TNS1: variants seen among roughly 807,000 people sequenced by gnomAD.
TNS1 encodes tensin 1.
Under a neutral mutation model 168.6 loss-of-function variants are expected in TNS1, and 62 were observed. The ratio of observed to expected loss-of-function variants is 0.37; its 90% confidence interval spans 0.30 to 0.45. The LOEUF (loss-of-function observed/expected upper bound fraction) is 0.45, where lower values mean the gene tolerates loss of function less well. Ranked by LOEUF, TNS1 falls within the 20% of genes least tolerant of loss-of-function variation. The pLI is 1.00. For missense variants in TNS1, 2,240 were observed against 2,339.4 expected (o/e 0.96, Z 0.88); for synonymous variants, 934 against 933.2 (o/e 1.00, Z -0.02).
intron 3 of TNS1, among the ~76,000 whole-genome samples, chr2:217,973,128 C>A (rs1957810019): frequency 6.6e-6 from 1 of 151,952 alleles, no homozygotes; most frequent in African/African-American, 2.4e-5. Flanking sequence ...TCAAGGCGGC[C>A]AGATCACTTG....
At chr2:217,962,898 A>G (rs950242464) in intron 3 of TNS1, among the ~76,000 whole-genome samples, 2 of 152,188 alleles carry the variant, frequency 1.3e-5, no homozygotes, top group African/African-American at 4.8e-5. Flanking sequence ...GCCAAATTCT[A>G]CTACAATCCT....
intron 18 of TNS1, among the ~76,000 whole-genome samples, chr2:217,862,133 C>T (rs550467946): frequency 2.0e-5 from 3 of 152,220 alleles, no homozygotes; most frequent in Admixed American, 2.0e-4. Context: ...GCCTCAAGGA[C>T]CACAAGGAGA....
intron 1 of TNS1, among the ~76,000 whole-genome samples, chr2:218,020,180 A>G (rs1385670225): frequency 2.0e-5 from 3 of 152,168 alleles, no homozygotes; most frequent in Non-Finnish European, 4.4e-5. Context: ...GATGTTCAGC[A>G]TTGTGCAGGA....
intron 4 of TNS1, among the ~76,000 whole-genome samples, chr2:217,918,045 G>C (rs1014417399): frequency 2.0e-5 from 3 of 152,140 alleles, no homozygotes; most frequent in African/African-American, 7.2e-5. Flanking sequence ...ACGGGTGAAC[G>C]AGAAGGAGCT....
intron 18 of TNS1, among the ~76,000 whole-genome samples, chr2:217,852,266 G>A (rs1405552764): frequency 6.6e-6 from 1 of 152,180 alleles, no homozygotes; most frequent in Non-Finnish European, 1.5e-5. Flanking sequence ...TGGACAAGTT[G>A]GCCGAAATCT....
At chr2:218,015,512 C>T (rs538614407) in intron 1 of TNS1, among the ~76,000 whole-genome samples, 2 of 152,276 alleles carry the variant, frequency 1.3e-5, no homozygotes, top group South Asian at 4.1e-4. Context: ...CTCCATCCCC[C>T]CTTTCAAATT....
intron 1 of TNS1, among the ~76,000 whole-genome samples, chr2:218,026,731 G>T (rs898214519): frequency 4.6e-5 from 7 of 152,228 alleles, no homozygotes; most frequent in African/African-American, 1.7e-4. Flanking sequence ...GCAGCACCCA[G>T]ATCAGGAGAC....
At chr2:218,022,458 T>A (rs1315366796) in intron 1 of TNS1, among the ~76,000 whole-genome samples, 1 of 152,124 alleles carries the variant, frequency 6.6e-6, no homozygotes, top group Non-Finnish European at 1.5e-5. Flanking sequence ...ATATAAAAGA[T>A]GTCAAGCTGG....
In TNS1 at chr2:217,813,006, G is replaced by C. The variant is rs567576620; in HGVS notation, c.4954+209C>G. ...TTATAATGATAACAAGTCCCAGCTG[G>C]GTCGGACAAACACAGACTGCAGTTT... On this transcript the variant is annotated intron_variant, in intron 27 of 32. Transcript: ENST00000682258. This position sits in a 1 kb window ranked among gnomAD's most constrained non-coding sequence, Gnocchi z 4.0. 2.0e-5 allele frequency among the ~76,000 whole-genome samples: 3 copies of C among 152,324 alleles called. No homozygotes were observed. The highest frequency in any genetic ancestry group is 4.4e-5 in the Non-Finnish European group (3 of 68,030).
intron 1 of TNS1, among the ~76,000 whole-genome samples, chr2:218,026,687 C>T (rs1213114145): frequency 6.6e-6 from 1 of 152,258 alleles, no homozygotes; most frequent in Non-Finnish European, 1.5e-5. Flanking sequence ...CCACCCACCG[C>T]GTATGTCAGG....
chr2:217,970,481 A>G (rs965030545), intron 3 of TNS1, among the ~76,000 whole-genome samples: 19 of 152,258 alleles, frequency 1.2e-4, no homozygotes, highest in African/African-American at 4.6e-4. Flanking sequence ...ATAATAACCA[A>G]AAAGTGAAAC....
chr2:217,838,583 A>T (rs927284649), intron 19 of TNS1, among the ~76,000 whole-genome samples: 11 of 152,132 alleles, frequency 7.2e-5, no homozygotes, highest in Non-Finnish European at 1.5e-4. Context: ...CCTGCATTCC[A>T]CTCCCACGGG....
At chr2:217,984,131 C>T (rs986131623) in intron 2 of TNS1, among the ~76,000 whole-genome samples, 50 of 152,172 alleles carry the variant, frequency 3.3e-4, no homozygotes, top group African/African-American at 1.2e-3. Context: ...GCCAACCTAC[C>T]CTGCAGATTT....
At chr2:217,914,162 T>A (rs569850329) in intron 4 of TNS1, among the ~76,000 whole-genome samples, 24 of 152,136 alleles carry the variant, frequency 1.6e-4, no homozygotes, top group African/African-American at 5.1e-4. Context: ...CACAAGCAAA[T>A]CACTTCCTCC....
At chr2:217,858,850 G>A (rs1948492596) in intron 18 of TNS1, among the ~76,000 whole-genome samples, 1 of 152,080 alleles carries the variant, frequency 6.6e-6, no homozygotes. Flanking sequence ...TCATCCTGCA[G>A]CTATGCCGTT....
chr2:217,812,545 C>A, intron 27 of TNS1, 100 bp from the exon 28 acceptor site: 1 of 940,286 alleles, frequency 1.1e-6, no homozygotes, highest in Non-Finnish European at 1.6e-6. Context: ...TCTTCCACTT[C>A]TTTATTACCT....
At chr2:217,842,022 C>T (rs750231144) in intron 19 of TNS1, 38 of 700,864 alleles carry the variant, frequency 5.4e-5, no homozygotes, top group Non-Finnish European at 6.8e-5. Flanking sequence ...ATTGCCCCTG[C>T]CCTGGCCCCC....
At position 217,952,816 on chromosome 2, in the gene TNS1, A is replaced by T. The variant is rs74555647; in HGVS notation, c.186+25949T>A. 2.2e-3 allele frequency among the ~76,000 whole-genome samples: 329 copies of T among 152,306 alleles called. 1 individual carries two copies. The highest frequency in any genetic ancestry group is 3.3e-3 in the Non-Finnish European group (223 of 68,016). ...AGGATTGGGGCAAGAAGGGCCCCCA[A>T]ATCAGGGAAACAATCACTCCAAGCC... On this transcript the variant is annotated intron_variant, in intron 3 of 32. Transcript: ENST00000682258.
At chr2:217,839,622 C>T (rs963910684) in intron 19 of TNS1, among the ~76,000 whole-genome samples, 9 of 152,174 alleles carry the variant, frequency 5.9e-5, no homozygotes, top group Admixed American at 2.0e-4. Flanking sequence ...AGCCCTGACA[C>T]AGACCGATAC....
Sources: allele counts gnomAD v4.1 joint callset (sites outside exome capture counted in the v4.1 genomes callset), GRCh38; gene constraint gnomAD v4.1.1; non-coding constraint Gnocchi (gnomAD v3.1); transcripts MANE v1.5; gene names NCBI Gene and HGNC (gene_info 2026-07-23, HGNC 2026-07-21).